Variants in GARNL3 observed in about 807,000 individuals in gnomAD.
GARNL3 encodes GTPase activating Rap/RanGAP domain like 3.
A neutral mutation model predicts 125.0 loss-of-function variants in GARNL3; 63 were observed. The observed-to-expected ratio is 0.50, with a 90% CI of 0.41 to 0.62. The LOEUF is 0.62. GARNL3 is among the 20% of genes least tolerant of loss of function. The pLI is 0.00. For synonymous variants in GARNL3, 439 were observed against 457.5 expected (o/e 0.96, Z 0.52); for missense variants, 994 against 1,244.0 (o/e 0.80, Z 3.02).
intron 22 of GARNL3, among the ~76,000 whole-genome samples, chr9:127,374,909 C>CAAAAAAAA (rs772141471): frequency 4.7e-5 from 3 of 63,212 alleles, no homozygotes; most frequent in African/African-American, 1.5e-4. Context: ...TCCATCTCTA[C>CAAAAAAAA]AAAAAAAAAA....
intron 2 of GARNL3, among the ~76,000 whole-genome samples, chr9:127,298,606 T>C (rs1169694110): frequency 6.6e-6 from 1 of 152,252 alleles, no homozygotes; most frequent in African/African-American, 2.4e-5. Flanking sequence ...ATTTTTTATA[T>C]TATAAATAAT....
At chr9:127,288,498 G>T (rs546943063) in intron 1 of GARNL3, among the ~76,000 whole-genome samples, 1 of 152,172 alleles carries the variant, frequency 6.6e-6, no homozygotes, top group East Asian at 1.9e-4. Context: ...TCAGTAGGAG[G>T]TGGTTGTGGT....
At position 127,302,223 on chromosome 9, in the gene GARNL3, T is replaced by C. The variant is rs543247651; in HGVS notation, c.220-9413T>C. On this transcript the variant is annotated intron_variant, in intron 2 of 27. Coordinates refer to ENST00000373387, the MANE Select transcript of GARNL3 (RefSeq NM_032293.5). ...TCCCAAAGTGCTTGGATTACAGGCTTGAGCCACCGCGCTCGGCCGGGAGAA... is the reference window on the plus strand; with the variant it reads ...TCCCAAAGTGCTTGGATTACAGGCTCGAGCCACCGCGCTCGGCCGGGAGAA... 8.7e-4 allele frequency among the ~76,000 whole-genome samples: 132 copies of C among 152,244 alleles called. 2 individuals are homozygous for C. The highest frequency in any genetic ancestry group is 1.0e-3 in the South Asian group (5 of 4,822).
At position 127,393,394 on chromosome 9, in the gene GARNL3, C is replaced by A; in HGVS notation, c.*140C>A. 1 of 645,012 alleles carries A rather than the reference C, an allele frequency of 1.6e-6. No homozygotes were observed. Among genetic ancestry groups the A allele is most frequent in the Non-Finnish European group, 2.6e-6 (1 of 388,984 alleles). The allele number at this position is 645,012 out of a possible 1,614,324, so 40.0% of individuals were successfully genotyped here. On this transcript the variant is annotated 3_prime_UTR_variant, in exon 28 of 28. Coordinates refer to ENST00000373387, the MANE Select transcript of GARNL3 (RefSeq NM_032293.5). ...GGACCAAACCTTCTGCACACTCGGC[C>A]AGTTCCCTCTCCAATGTCCGGTGCC...
rs941748815 is a variant in GARNL3 at position 127,235,643 on chromosome 9, G to A, written c.-28-7436G>A. 1.5e-4 allele frequency among the ~76,000 whole-genome samples: 18 copies of A among 116,792 alleles called. No individual in the cohort carries two copies. The African/African-American group carries it at 1.7e-3, about 11-fold the overall frequency. The allele number at this position is 116,792 out of a possible 152,430, so 76.6% of individuals were successfully genotyped here. A position where few individuals can be genotyped will look rare whatever the true frequency, so the allele number is the denominator to read the frequency against. ...GAAATAAGATTCATATAGTTTTTTT[G>A]TTTTTTTGTTTTTTTAAAAAAACAA... is the stretch of plus-strand genomic sequence containing the variant. On this transcript the variant is annotated intron_variant, in intron 1 of 10. Transcript: ENST00000439286.
intron 2 of GARNL3, among the ~76,000 whole-genome samples, chr9:127,255,486 AGCAG>A (rs1564852441): frequency 6.6e-6 from 1 of 152,366 alleles, no homozygotes; most frequent in Admixed American, 6.5e-5. Context: ...TAAAACTATA[AGCAG>A]GCAGTATAAG....
chr9:127,240,551 A>G (rs2063185364), intron 1 of GARNL3, among the ~76,000 whole-genome samples: 1 of 152,252 alleles, frequency 6.6e-6, no homozygotes, highest in Non-Finnish European at 1.5e-5. Context: ...AGCAGTGTCC[A>G]AAATATAAAG....
At chr9:127,257,287 C>T (rs144372390) in intron 2 of GARNL3, among the ~76,000 whole-genome samples, 2 of 152,274 alleles carry the variant, frequency 1.3e-5, no homozygotes, top group African/African-American at 4.8e-5. Context: ...GATAAATGCT[C>T]AAGAGTGCAG....
chr9:127,353,313 A>C (rs931147574), intron 17 of GARNL3, among the ~76,000 whole-genome samples: 1 of 152,216 alleles, frequency 6.6e-6, no homozygotes, highest in Non-Finnish European at 1.5e-5. Flanking sequence ...GCAAACTACT[A>C]CTGCTACAAA....
intron 2 of GARNL3, among the ~76,000 whole-genome samples, chr9:127,303,478 G>A (rs2064860173): frequency 6.6e-6 from 1 of 152,060 alleles, no homozygotes; most frequent in South Asian, 2.1e-4. Context: ...TTTAACCTTT[G>A]TGTAGTTTCA....
chr9:127,388,971 A>G lies in GARNL3; in HGVS notation c.2595A>G (p.Arg865=). The G allele has an allele frequency of 6.2e-7, 1 of 1,613,752 alleles. No homozygotes were observed. The highest frequency in any genetic ancestry group is 1.1e-5 in the South Asian group (1 of 91,080). Residue 865 remains arginine (R), a synonymous_variant, in exon 26 of 28, where the codon CGA becomes CGG. Transcript: ENST00000373387. ...LRNLVGRSIE[R]PLKSPLVSKV... is the part of the protein sequence containing the mutation. ...ACCTCGTGGGCAGAAGCATCGAACGACCTCTGAAGTCACCCTTAGTCTCCA... is the reference window on the plus strand; with the variant it reads ...ACCTCGTGGGCAGAAGCATCGAACGGCCTCTGAAGTCACCCTTAGTCTCCA...
At chr9:127,387,388 G>C (rs1038741831) in intron 25 of GARNL3, 57 bp downstream of exon 25, 1 of 1,481,842 alleles carries the variant, frequency 6.7e-7, no homozygotes, top group African/African-American at 1.4e-5. Context: ...AATTTCTCTA[G>C]TTTGTTGTCT....
Position 127,332,317 on chromosome 9 carries a change from G to GAT in GARNL3, c.638_639insAT (p.Gln214CysfsTer22). On this transcript the variant is annotated frameshift_variant, in exon 8 of 28. Transcript: ENST00000373387. LOFTEE classifies it high-confidence loss of function. ...TTTGGGGTTCTTTTTGCCAAAGATG[G>GAT]GCAGCTCACTGATGATGAGATGTTC... The GAT allele has an allele frequency of 6.2e-7, 1 of 1,613,912 alleles. No individual in the cohort carries two copies. Among genetic ancestry groups the GAT allele is most frequent in the Non-Finnish European group, 8.5e-7 (1 of 1,179,870 alleles).
chr9:127,292,040 C>T (rs185240120), intron 2 of GARNL3, among the ~76,000 whole-genome samples: 1 of 152,204 alleles, frequency 6.6e-6, no homozygotes, highest in East Asian at 1.9e-4. Flanking sequence ...AGTTATGATG[C>T]TATTGATGGT....
chr9:127,231,951 A>G (rs916506650), intron 1 of GARNL3, among the ~76,000 whole-genome samples: 3 of 152,194 alleles, frequency 2.0e-5, no homozygotes, highest in African/African-American at 4.8e-5. Flanking sequence ...AGGGACATAC[A>G]GTACTTCAAA....
At chr9:127,264,562 A>G (rs891417616), upstream of GARNL3, 1 of 1,040,070 alleles carries the variant, frequency 9.6e-7, no homozygotes, top group African/African-American at 1.7e-5. Flanking sequence ...ATGAAAGATA[A>G]TTGCAAGATC....
chr9:127,392,605 T>G lies in GARNL3; in HGVS notation c.2871-478T>G, dbSNP rs918648814. On this transcript the variant is annotated intron_variant, in intron 27 of 27. Coordinates refer to ENST00000373387, the MANE Select transcript of GARNL3 (RefSeq NM_032293.5). This position sits in a 1 kb window ranked among gnomAD's most constrained non-coding sequence, Gnocchi z 5.2. Reference sequence around the variant, plus strand: ...GCTTTTGCAGGCCAATGAGTATTTGTGGAATGCATTAACTCTCTGAGAAGT... The same window carrying G: ...GCTTTTGCAGGCCAATGAGTATTTGGGGAATGCATTAACTCTCTGAGAAGT... 2.6e-5 allele frequency among the ~76,000 whole-genome samples: 4 copies of G among 152,214 alleles called. No individual in the cohort carries two copies. Among genetic ancestry groups the G allele is most frequent in the African/African-American group, 9.6e-5 (4 of 41,452 alleles).
chr9:127,311,652 C>T lies in GARNL3; in HGVS notation c.236C>T (p.Pro79Leu), dbSNP rs765304842. The change falls in exon 3 of 28, where the codon CCT (proline) becomes CTT (leucine). Residue 79 changes from proline (P) to leucine (L), a missense_variant. By Grantham distance (98) the Pro-to-Leu change is moderately conservative. Coordinates refer to ENST00000373387, the MANE Select transcript of GARNL3 (RefSeq NM_032293.5). ...CCATTACAGAATGCAACTGCCCTGC[C>T]TGGTACTTGGCGAAGAACAGACGTG... is the stretch of plus-strand genomic sequence containing the variant. Reference protein sequence around the residue: ...GSSDENATALPGTWRRTDVHL... With the variant: ...GSSDENATALLGTWRRTDVHL... 1.1e-5 allele frequency: 18 copies of T among 1,613,528 alleles called. No homozygotes were observed. The highest frequency in any genetic ancestry group is 1.5e-5 in the Non-Finnish European group (18 of 1,179,468).
chr9:127,330,019 G>A (rs1829133769), intron 7 of GARNL3, among the ~76,000 whole-genome samples: 1 of 152,164 alleles, frequency 6.6e-6, no homozygotes. Context: ...TCAAAGTGGG[G>A]GCCCTAGGCC....
Sources: allele counts gnomAD v4.1 joint callset (sites outside exome capture counted in the v4.1 genomes callset), GRCh38; gene constraint gnomAD v4.1.1; non-coding constraint Gnocchi (gnomAD v3.1); transcripts MANE v1.5; gene names NCBI Gene and HGNC (gene_info 2026-07-23, HGNC 2026-07-21).